TAFA1: variants seen among roughly 807,000 people sequenced by gnomAD.
TAFA1 encodes the protein TAFA chemokine like family member 1, also known as chemokine-like protein TAFA-1.
Under a neutral mutation model 18.5 loss-of-function variants are expected in TAFA1, and 4 were observed. The observed-to-expected ratio is 0.22, with a 90% CI of 0.11 to 0.49. TAFA1 has a LOEUF of 0.49. Ranked by LOEUF, TAFA1 falls within the 20% of genes least tolerant of loss-of-function variation. The probability of loss-of-function intolerance (pLI) is 0.98; values close to 1 mark genes in which losing one functional copy is unlikely to be tolerated. For missense variants in TAFA1, 147 were observed against 169.0 expected, an observed-to-expected ratio of 0.87 and a Z score of 0.72; for synonymous variants, 56 against 55.2, an observed-to-expected ratio of 1.01 and a Z score of -0.06.
intron 3 of TAFA1, among the ~76,000 whole-genome samples, chr3:68,464,029 A>C (rs1510347): frequency 0.024 from 3,720 of 152,306 alleles, 170 homozygotes; most frequent in African/African-American, 0.084. Context: ...TTGAATCAAC[A>C]TACTCTTGAT....
intron 2 of TAFA1, among the ~76,000 whole-genome samples, chr3:68,169,225 T>C (rs1257326309): frequency 6.6e-6 from 1 of 151,988 alleles, no homozygotes; most frequent in Non-Finnish European, 1.5e-5. Flanking sequence ...AGCCTCTTCC[T>C]TACTCTCTTG....
intron 2 of TAFA1, among the ~76,000 whole-genome samples, chr3:68,123,407 G>A (rs751569768): frequency 9.9e-5 from 15 of 152,134 alleles, no homozygotes; most frequent in Non-Finnish European, 1.9e-4. Context: ...TGGAGAGAAT[G>A]GAAAACAGTC....
At chr3:68,424,074 C>CA (rs2071009860) in intron 3 of TAFA1, among the ~76,000 whole-genome samples, 1 of 151,942 alleles carries the variant, frequency 6.6e-6, no homozygotes, top group African/African-American at 2.4e-5. Context: ...CAAAACAAAA[C>CA]AAACAAATAA....
At position 68,079,984 on chromosome 3, in the gene TAFA1, A is replaced by T. The variant is rs1282457035; in HGVS notation, c.118+73240A>T. ...TAGGTCACTCAGGACTTGCTTTATG[A>T]ATCTTGGTGCTCCTGTATTGGGTGC... On this transcript the variant is annotated intron_variant, in intron 2 of 4. Transcript: ENST00000478136. Among the ~76,000 whole-genome samples, 4 of 151,714 alleles carry T rather than the reference A, an allele frequency of 2.6e-5. No individual in the cohort carries two copies. The South Asian group carries it at 8.4e-4, about 32-fold the overall frequency.
intron 2 of TAFA1, among the ~76,000 whole-genome samples, chr3:68,372,305 C>A (rs996826182): frequency 1.3e-5 from 2 of 152,164 alleles, no homozygotes; most frequent in Non-Finnish European, 1.5e-5. Flanking sequence ...ATTATTTGGA[C>A]TTCTCTGGCC....
At chr3:68,328,802 C>A (rs2068815319) in intron 2 of TAFA1, among the ~76,000 whole-genome samples, 1 of 151,838 alleles carries the variant, frequency 6.6e-6, no homozygotes, top group Non-Finnish European at 1.5e-5. Context: ...AGAGCAGAAA[C>A]AGATGAACTT....
At chr3:68,223,867 T>G (rs995007395) in intron 2 of TAFA1, among the ~76,000 whole-genome samples, 1 of 152,104 alleles carries the variant, frequency 6.6e-6, no homozygotes, top group African/African-American at 2.4e-5. Context: ...ATGCTTTATT[T>G]TAATTTCTGC....
rs144721275 is a variant in TAFA1, at chr3:68,047,433, G to A, written c.118+40689G>A. On this transcript the variant is annotated intron_variant, in intron 2 of 4. Coordinates refer to ENST00000478136, the MANE Select transcript of TAFA1 (RefSeq NM_213609.4). ...GCAGCCAACTGAATTTTCACAGAAG[G>A]GAAAGTTTATTTTATATGGGTAGCA... 3.8e-3 allele frequency among the ~76,000 whole-genome samples: 584 copies of A among 152,220 alleles called. 3 individuals are homozygous for A. Among genetic ancestry groups the A allele is most frequent in the African/African-American group, 0.013 (533 of 41,548 alleles).
chr3:68,078,805 T>C (rs1478619793), intron 2 of TAFA1, among the ~76,000 whole-genome samples: 1 of 152,234 alleles, frequency 6.6e-6, no homozygotes, highest in East Asian at 1.9e-4. Flanking sequence ...GGCTTTGGTA[T>C]CAGAATGATG....
At chr3:68,420,362 C>A (rs1291013084) in intron 3 of TAFA1, among the ~76,000 whole-genome samples, 1 of 152,128 alleles carries the variant, frequency 6.6e-6, no homozygotes, top group African/African-American at 2.4e-5. Flanking sequence ...CAGGTTCAAG[C>A]AACCATTCTC....
intron 3 of TAFA1, among the ~76,000 whole-genome samples, chr3:68,422,634 G>A (rs1436683792): frequency 6.6e-6 from 1 of 152,064 alleles, no homozygotes; most frequent in Admixed American, 6.6e-5. Context: ...TTATTCAAGA[G>A]TATAATATAT....
chr3:68,312,337 C>A (rs1052854542), intron 2 of TAFA1, among the ~76,000 whole-genome samples: 2 of 152,180 alleles, frequency 1.3e-5, no homozygotes, highest in Non-Finnish European at 2.9e-5. Context: ...ATGGGATTTT[C>A]TTTTCTATCA....
At chr3:68,258,468 C>T (rs2067342303) in intron 2 of TAFA1, among the ~76,000 whole-genome samples, 1 of 152,248 alleles carries the variant, frequency 6.6e-6, no homozygotes, top group East Asian at 1.9e-4. Flanking sequence ...TTATGATCAA[C>T]TTTCTATTCA....
chr3:68,070,181 T>G (rs2064735557), intron 2 of TAFA1, among the ~76,000 whole-genome samples: 1 of 152,254 alleles, frequency 6.6e-6, no homozygotes, highest in African/African-American at 2.4e-5. Flanking sequence ...ACAGCAAACT[T>G]CTGCCTGAAC....
chr3:68,316,264 G>A (rs1470414420), intron 2 of TAFA1, among the ~76,000 whole-genome samples: 1 of 152,184 alleles, frequency 6.6e-6, no homozygotes, highest in African/African-American at 2.4e-5. Context: ...GGGTGAGGAG[G>A]AGGTTCAGTC....
intron 2 of TAFA1, among the ~76,000 whole-genome samples, chr3:68,070,937 C>T (rs1054877764): frequency 6.6e-6 from 1 of 152,230 alleles, no homozygotes; most frequent in East Asian, 1.9e-4. Flanking sequence ...TTGTTCAAAG[C>T]CATTCAACAA....
chr3:68,178,094 A>C (rs2066148243), intron 2 of TAFA1, among the ~76,000 whole-genome samples: 1 of 152,160 alleles, frequency 6.6e-6, no homozygotes, highest in Admixed American at 6.6e-5. Flanking sequence ...CAGTGAGCCA[A>C]GATGGCACCA....
At chr3:68,203,950 G>GCCCCCCCCCCCCCCC (rs68051336) in intron 2 of TAFA1, among the ~76,000 whole-genome samples, 8 of 126,276 alleles carry the variant, frequency 6.3e-5, no homozygotes, top group Admixed American at 2.5e-4. Context: ...AATGTCAAAG[G>GCCCCCCCCCCCCCCC]CCCCCCCCAC....
intron 3 of TAFA1, among the ~76,000 whole-genome samples, chr3:68,533,145 G>C (rs982041676): frequency 6.6e-6 from 1 of 151,798 alleles, no homozygotes; most frequent in Non-Finnish European, 1.5e-5. Flanking sequence ...TTATGATGCT[G>C]TATTAGTCCG....
Sources: allele counts gnomAD v4.1 joint callset (sites outside exome capture counted in the v4.1 genomes callset), GRCh38; gene constraint gnomAD v4.1.1; transcripts MANE v1.5; gene names NCBI Gene and HGNC (gene_info 2026-07-23, HGNC 2026-07-21).